SAV1: variants seen among roughly 807,000 people sequenced by gnomAD.
The protein encoded by SAV1 is salvador family WW domain containing protein 1.
SAV1 carries 23 observed loss-of-function variants against 47.3 expected under a neutral mutation model. The ratio of observed to expected loss-of-function variants is 0.49; its 90% CI spans 0.35 to 0.69. The LOEUF (loss-of-function observed/expected upper bound fraction) is 0.69, where lower values mean the gene tolerates loss of function less well. Ranked by LOEUF, SAV1 falls within the 30% of genes least tolerant of loss-of-function variation. SAV1 has a pLI of 0.01. For missense variants in SAV1, 448 were observed against 457.4 expected, an observed-to-expected ratio of 0.98 and a Z score of 0.19; for synonymous variants, 155 against 159.2, an observed-to-expected ratio of 0.97 and a Z score of 0.20.
intron 3 of SAV1, among the ~76,000 whole-genome samples, chr14:50,642,046 A>G (rs1029707013): frequency 3.9e-5 from 6 of 152,332 alleles, no homozygotes; most frequent in Non-Finnish European, 8.8e-5. Context: ...GAACAAGAGC[A>G]TGTAGTCTGC....
intron 3 of SAV1, among the ~76,000 whole-genome samples, chr14:50,643,874 TA>T (rs1365484092): frequency 8.5e-5 from 13 of 152,340 alleles, no homozygotes; most frequent in Admixed American, 8.5e-4. Flanking sequence ...ATAACTATTT[TA>T]ATGGTTCTAA....
intron 1 of SAV1, among the ~76,000 whole-genome samples, chr14:50,666,741 C>G (rs1475050665): frequency 1.3e-5 from 2 of 151,252 alleles, no homozygotes; most frequent in South Asian, 4.2e-4. Context: ...TTAAAAACAG[C>G]CAGAAACCTA....
intron 2 of SAV1, among the ~76,000 whole-genome samples, chr14:50,650,924 G>A (rs1595643669): frequency 6.6e-6 from 1 of 152,098 alleles, no homozygotes; most frequent in East Asian, 1.9e-4. Flanking sequence ...TCAGGAGGCT[G>A]AGGCAGGAGA....
Position 50,667,806 on chromosome 14 carries a change from C to T in SAV1, c.94+68G>A, listed in dbSNP as rs2039915929. 1.3e-5 allele frequency: 18 copies of T among 1,346,166 alleles called. 1 individual carries two copies. In the South Asian group the frequency reaches 2.1e-4, roughly 16 times the overall value. The allele number at this position is 1,346,166 out of a possible 1,614,324, so 83.4% of individuals were successfully genotyped here. On this transcript the variant is annotated intron_variant, in intron 1 of 4. Transcript: ENST00000324679. ...AGAAGCCCTGGAGACCCGCCGGCGCCCCCGCCAGGGTCCCCGGAGCACCTG... is the reference window on the plus strand; with the variant it reads ...AGAAGCCCTGGAGACCCGCCGGCGCTCCCGCCAGGGTCCCCGGAGCACCTG...
At chr14:50,638,094 G>A (rs1382821418) in intron 4 of SAV1, 1 of 152,136 alleles carries the variant, frequency 6.6e-6, no homozygotes, top group Non-Finnish European at 1.5e-5. Context: ...ACTCCAAGAA[G>A]GGCACAGATG....
chr14:50,648,064 TAAAC>T (rs1363976815), intron 2 of SAV1, among the ~76,000 whole-genome samples: 3 of 152,184 alleles, frequency 2.0e-5, no homozygotes, highest in Non-Finnish European at 4.4e-5. Flanking sequence ...ACAGAATGGA[TAAAC>T]AAACTGTGGT....
chr14:50,658,005 C>A (rs2039827528), intron 2 of SAV1, among the ~76,000 whole-genome samples: 2 of 152,172 alleles, frequency 1.3e-5, no homozygotes, highest in African/African-American at 4.8e-5. Context: ...CACAGTTCCA[C>A]AGGGTCCCTA....
chr14:50,664,601 T>TA (rs2039885487), intron 2 of SAV1: 1 of 152,216 alleles, frequency 6.6e-6, no homozygotes, highest in African/African-American at 2.4e-5. Context: ...TTTTGTCTGT[T>TA]ACAAAAATAA....
intron 2 of SAV1, among the ~76,000 whole-genome samples, chr14:50,663,883 A>G (rs555361410): frequency 6.9e-4 from 105 of 152,272 alleles, no homozygotes; most frequent in African/African-American, 2.5e-3. Flanking sequence ...TCAACCTTAC[A>G]TCTTATTTCT....
At chr14:50,666,796 AC>A (rs56670743) in intron 1 of SAV1, among the ~76,000 whole-genome samples, 2,365 of 149,938 alleles carry the variant, frequency 0.016, 46 homozygotes, top group African/African-American at 0.05. Context: ...AAAAAAAAAA[AC>A]AACTTAAAAA....
chr14:50,664,086 C>T (rs2039881474), intron 2 of SAV1, among the ~76,000 whole-genome samples: 1 of 152,208 alleles, frequency 6.6e-6, no homozygotes, highest in African/African-American at 2.4e-5. Flanking sequence ...CTATACTCAT[C>T]TCTCTTCTGA....
At chr14:50,642,321 T>C (rs933151174) in intron 3 of SAV1, among the ~76,000 whole-genome samples, 3 of 151,884 alleles carry the variant, frequency 2.0e-5, no homozygotes, top group Non-Finnish European at 4.4e-5. Flanking sequence ...AAACCCCGTC[T>C]CTACTAAAAA....
At position 50,665,579 on chromosome 14, in the gene SAV1, T is replaced by A. The variant is rs887723802; in HGVS notation, c.135A>T (p.Pro45=). 3.1e-6 allele frequency: 5 copies of A among 1,613,106 alleles called. No homozygotes were observed. Among genetic ancestry groups the A allele is most frequent in the African/African-American group, 1.3e-5 (1 of 74,852 alleles). The change falls in exon 2 of 5, where the codon CCA becomes CCT. Residue 45 remains proline, a synonymous_variant. Coordinates refer to ENST00000324679, the MANE Select transcript of SAV1 (RefSeq NM_021818.4). ...PSFIRHGPTI[P]RRTDICLPDS... The stretch of plus-strand genomic sequence containing the variant: ...CTGGAAGACAGATATCAGTTCGTCT[T>A]GGAATTGTTGGACCATGCCGGATGA...
At chr14:50,648,701 C>T (rs1254776081) in intron 2 of SAV1, among the ~76,000 whole-genome samples, 1 of 152,046 alleles carries the variant, frequency 6.6e-6, no homozygotes, top group Non-Finnish European at 1.5e-5. Context: ...TGGCGTGAAC[C>T]CGGGAGGCGG....
intron 1 of SAV1, 94 bp downstream of exon 1, chr14:50,667,780 G>C (rs184806767): frequency 1.1e-6 from 1 of 883,916 alleles, no homozygotes; most frequent in African/African-American, 1.7e-5. Context: ...AAGGACGAAG[G>C]AGAAGCCCTG....
At chr14:50,652,438 C>T (rs899992022) in intron 2 of SAV1, among the ~76,000 whole-genome samples, 2 of 152,152 alleles carry the variant, frequency 1.3e-5, no homozygotes, top group East Asian at 1.9e-4. Flanking sequence ...ATTTCCCCAT[C>T]GAAAGGAACC....
chr14:50,665,876 A>G (rs2039897888), intron 1 of SAV1, among the ~76,000 whole-genome samples: 1 of 152,218 alleles, frequency 6.6e-6, no homozygotes, highest in African/African-American at 2.4e-5. Context: ...TGTATTCTGC[A>G]TACTACCATA....
chr14:50,659,331 G>A (rs1344354949), intron 2 of SAV1, among the ~76,000 whole-genome samples: 1 of 152,124 alleles, frequency 6.6e-6, no homozygotes, highest in African/African-American at 2.4e-5. Context: ...GGTGTAGCTT[G>A]CTGACTCCTG....
At chr14:50,653,269 T>C (rs1223712396) in intron 2 of SAV1, among the ~76,000 whole-genome samples, 2 of 152,156 alleles carry the variant, frequency 1.3e-5, no homozygotes, top group Non-Finnish European at 2.9e-5. Context: ...GCGTTAAAAA[T>C]CCATGAGTTC....
Sources: gnomAD v4.1 joint callset for allele counts (sites outside exome capture counted in the v4.1 genomes callset) on GRCh38, gnomAD v4.1.1 for gene constraint, MANE v1.5 for transcripts, NCBI Gene and HGNC (gene_info 2026-07-23, HGNC 2026-07-21) for gene names.